The following ACTR2 variants were observed in gnomAD, a reference collection of about 807,000 sequenced individuals.
The protein encoded by ACTR2 is actin-related protein 2.
Under a neutral mutation model 50.2 loss-of-function variants are expected in ACTR2, and 5 were observed. The observed-to-expected ratio is 0.10, with a 90% confidence interval of 0.05 to 0.21. The LOEUF (loss-of-function observed/expected upper bound fraction) is 0.21, where lower values mean the gene tolerates loss of function less well. Ranked by LOEUF, ACTR2 falls within the 10% of genes least tolerant of loss-of-function variation. The pLI is 1.00. For missense variants in ACTR2, 180 were observed against 480.6 expected, an observed-to-expected ratio of 0.37 and a Z score of 5.85; for synonymous variants, 140 against 162.9, an observed-to-expected ratio of 0.86 and a Z score of 1.07.
intron 1 of ACTR2, chr2:65,228,218 A>G: frequency 5.3e-6 from 2 of 378,122 alleles, no homozygotes; most frequent in East Asian, 4.0e-5. Flanking sequence ...CATGGAGCCT[A>G]CTGACCGCCC....
chr2:65,242,224 A>G (rs990722735), intron 2 of ACTR2, among the ~76,000 whole-genome samples: 2 of 152,160 alleles, frequency 1.3e-5, no homozygotes, highest in African/African-American at 4.8e-5. Context: ...TCAATTTGAT[A>G]GCAACTAATT....
At chr2:65,263,899 C>T (rs1217507540) in intron 7 of ACTR2, among the ~76,000 whole-genome samples, 1 of 151,898 alleles carries the variant, frequency 6.6e-6, no homozygotes. Flanking sequence ...ACTAAAAATA[C>T]AAAAAATTAG....
At chr2:65,247,543 G>A (rs755184001) in intron 3 of ACTR2, among the ~76,000 whole-genome samples, 10 of 151,926 alleles carry the variant, frequency 6.6e-5, no homozygotes, top group African/African-American at 2.2e-4. Flanking sequence ...AGTGGAGATC[G>A]TGCCACTGCA....
rs3771097 is a variant in ACTR2, at chr2:65,240,356, T to C, written c.159+394T>C. On this transcript the variant is annotated intron_variant, in intron 2 of 8. Coordinates refer to ENST00000260641, the MANE Select transcript of ACTR2 (RefSeq NM_005722.4). Reference sequence around the variant, plus strand: ...GTGTCTCTTTGGCACCTTAGACTTTTTCTTTTCATGTTTTTATGGCCTGAT... The same window carrying C: ...GTGTCTCTTTGGCACCTTAGACTTTCTCTTTTCATGTTTTTATGGCCTGAT... Among the ~76,000 whole-genome samples, 5 of 152,358 alleles carry C rather than the reference T, an allele frequency of 3.3e-5. No homozygotes were observed. In the East Asian group the frequency reaches 9.6e-4, roughly 29 times the overall value.
chr2:65,252,858 T>C (rs1052027802), intron 4 of ACTR2, among the ~76,000 whole-genome samples: 12 of 152,066 alleles, frequency 7.9e-5, no homozygotes, highest in African/African-American at 2.7e-4. Flanking sequence ...TCCCAGCCAC[T>C]TGAGAGGCTG....
At chr2:65,246,768 T>C in intron 3 of ACTR2, 29 bp downstream of exon 3, 1 of 1,394,736 alleles carries the variant, frequency 7.2e-7, no homozygotes, top group Non-Finnish European at 9.9e-7. Context: ...TATGCATATG[T>C]GTATTTCTGT....
intron 6 of ACTR2, 87 bp downstream of exon 6, chr2:65,255,781 T>G: frequency 7.8e-7 from 1 of 1,285,884 alleles, no homozygotes; most frequent in East Asian, 2.4e-5. Context: ...TTTCTTAGAA[T>G]CAGTATTTTT....
At chr2:65,231,754 A>G (rs1671640850) in intron 1 of ACTR2, among the ~76,000 whole-genome samples, 1 of 152,218 alleles carries the variant, frequency 6.6e-6, no homozygotes, top group East Asian at 1.9e-4. Flanking sequence ...TAAATATTCT[A>G]GGACAGGAGT....
chr2:65,237,555 C>T (rs1007980083), intron 1 of ACTR2, among the ~76,000 whole-genome samples: 7 of 151,964 alleles, frequency 4.6e-5, no homozygotes, highest in Non-Finnish European at 8.8e-5. Context: ...ACAGACTATA[C>T]AAGAATTTGT....
rs183538815 is a variant in ACTR2 at position 65,266,888 on chromosome 2, A to G, written c.1015-1676A>G. Among the ~76,000 whole-genome samples the G allele has an allele frequency of 5.7e-4, 87 of 152,276 alleles. No homozygotes were observed. The East Asian group carries it at 9.3e-3, about 16-fold the overall frequency. On this transcript the variant is annotated intron_variant, in intron 8 of 8. Coordinates refer to ENST00000260641, the MANE Select transcript of ACTR2 (RefSeq NM_005722.4). Reference sequence around the variant, plus strand: ...GTTCAGCTGCTTGACAGCAGGTGCAATTTGTCTGTAGGAATCTGTAGATGA... The same window carrying G: ...GTTCAGCTGCTTGACAGCAGGTGCAGTTTGTCTGTAGGAATCTGTAGATGA...
chr2:65,229,879 G>C (rs752799208), intron 1 of ACTR2, among the ~76,000 whole-genome samples: 6 of 151,952 alleles, frequency 3.9e-5, no homozygotes, highest in Non-Finnish European at 8.8e-5. Context: ...AAAGGTTTTA[G>C]AATGATTCAG....
intron 1 of ACTR2, among the ~76,000 whole-genome samples, chr2:65,229,702 G>A (rs1671598541): frequency 7.0e-6 from 1 of 141,916 alleles, no homozygotes; most frequent in African/African-American, 2.7e-5. Flanking sequence ...GTTGCAGTGA[G>A]CCGAGATCGC....
intron 1 of ACTR2, among the ~76,000 whole-genome samples, chr2:65,232,997 G>GTTT (rs35572490): frequency 5.0e-5 from 7 of 140,920 alleles, no homozygotes; most frequent in Non-Finnish European, 9.3e-5. Context: ...TCATGGTTTA[G>GTTT]TTTTTTTTTT....
At chr2:65,230,018 A>G (rs985508085) in intron 1 of ACTR2, among the ~76,000 whole-genome samples, 1 of 152,188 alleles carries the variant, frequency 6.6e-6, no homozygotes, top group Admixed American at 6.5e-5. Flanking sequence ...GAGTGAGGGA[A>G]GATGGAGAGG....
intron 6 of ACTR2, 133 bp from the exon 7 acceptor site, chr2:65,261,114 T>C (rs2104017291): frequency 2.4e-6 from 2 of 826,338 alleles, no homozygotes; most frequent in South Asian, 3.9e-5. Flanking sequence ...TCCCCAAATA[T>C]ATTTTAGGAA....
At chr2:65,261,790 T>C (rs1672274910) in intron 7 of ACTR2, among the ~76,000 whole-genome samples, 1 of 152,206 alleles carries the variant, frequency 6.6e-6, no homozygotes, top group Admixed American at 6.5e-5. Context: ...AGTTCTATTT[T>C]TAACTTTCCG....
intron 1 of ACTR2, among the ~76,000 whole-genome samples, chr2:65,234,628 C>A (rs534488608): frequency 1.3e-5 from 2 of 152,156 alleles, no homozygotes; most frequent in Admixed American, 6.5e-5. Flanking sequence ...TGTTGTATGT[C>A]CAGTGTGTGT....
intron 6 of ACTR2, 98 bp downstream of exon 6, chr2:65,255,792 G>A: frequency 8.8e-7 from 1 of 1,130,520 alleles, no homozygotes; most frequent in Non-Finnish European, 1.2e-6. Context: ...CAGTATTTTT[G>A]TCTTGGGTTG....
intron 2 of ACTR2, among the ~76,000 whole-genome samples, chr2:65,243,783 T>C (rs1294395813): frequency 6.6e-6 from 1 of 152,210 alleles, no homozygotes; most frequent in Non-Finnish European, 1.5e-5. Flanking sequence ...TACCCACTTT[T>C]CATGAAGTAT....
Sources: gnomAD v4.1 joint callset for allele counts (sites outside exome capture counted in the v4.1 genomes callset) on GRCh38, gnomAD v4.1.1 for gene constraint, MANE v1.5 for transcripts, NCBI Gene and HGNC (gene_info 2026-07-23, HGNC 2026-07-21) for gene names.